Variants in NIPAL1 observed in about 807,000 individuals in gnomAD.
NIPAL1 encodes NIPA like domain containing 1.
In NIPAL1, 35 loss-of-function variants were observed where a neutral mutation model predicts 37.7. That is an observed-to-expected ratio of 0.93 (90% CI 0.71 to 1.23). The LOEUF is 1.23. NIPAL1 is among the 50% of genes most tolerant of loss of function. The pLI, the probability that NIPAL1 is intolerant of heterozygous loss-of-function variation, is 0.00. For missense variants in NIPAL1, 412 were observed against 473.9 expected, an observed-to-expected ratio of 0.87 and a Z score of 1.21; for synonymous variants, 162 against 183.0, an observed-to-expected ratio of 0.89 and a Z score of 0.93.
rs750144674 is a variant in NIPAL1 at position 48,034,963 on chromosome 4, A to C, written c.544A>C (p.Thr182Pro). The change falls in exon 5 of 6, where the codon ACT becomes CCT. Residue 182 changes from threonine to proline, a missense_variant. Thr to Pro is a conservative substitution (Grantham distance 38, BLOSUM62 -1). Coordinates refer to ENST00000295461, the MANE Select transcript of NIPAL1 (RefSeq NM_207330.3). ...CTGCATATTAAGTATATTGGGGTCA[A>C]CTGTGATGGTTATCCATGCCCCACA... ...IGCILSILGS[T>P]VMVIHAPQEE... The C allele has an allele frequency of 1.6e-5, 25 of 1,612,798 alleles. No individual in the cohort carries two copies. The highest frequency in any genetic ancestry group is 2.0e-5 in the Non-Finnish European group (24 of 1,178,870).
At chr4:48,018,298 G>T (rs1235847291) in intron 1 of NIPAL1, among the ~76,000 whole-genome samples, 2 of 152,016 alleles carry the variant, frequency 1.3e-5, no homozygotes, top group East Asian at 3.9e-4. Context: ...AAGTAAGGAA[G>T]GTATATGAAT....
At chr4:48,032,908 G>A (rs1577626836) in intron 3 of NIPAL1, 85 bp from the exon 4 acceptor site, 13 of 846,400 alleles carry the variant, frequency 1.5e-5, no homozygotes, top group South Asian at 1.5e-4. Flanking sequence ...TGGGTTAAAA[G>A]TCCACTGCTT....
Position 48,016,780 on chromosome 4 carries a change from G to T in NIPAL1, c.-60G>T. 1.3e-6 allele frequency: 2 copies of T among 1,497,356 alleles called. No homozygotes were observed. The highest frequency in any genetic ancestry group is 1.8e-6 in the Non-Finnish European group (2 of 1,111,834). The allele number at this position is 1,497,356 out of a possible 1,614,324, so 92.8% of individuals were successfully genotyped here. On this transcript the variant is annotated 5_prime_UTR_variant, in exon 1 of 6. Transcript: ENST00000295461. ...CCGCAGCCCCGCCCGCCGCGGGTGC[G>T]TGTGGAGAGGCCCAGGTGAGGAGCA...
chr4:48,021,909 AAT>A (rs1286813923), intron 1 of NIPAL1, among the ~76,000 whole-genome samples: 1 of 151,196 alleles, frequency 6.6e-6, no homozygotes, highest in Non-Finnish European at 1.5e-5. Context: ...ATATATTTAT[AAT>A]ATATATTTCC....
At chr4:48,021,872 G>A in intron 1 of NIPAL1, among the ~76,000 whole-genome samples, 1 of 139,534 alleles carries the variant, frequency 7.2e-6, no homozygotes, top group East Asian at 2.0e-4. Context: ...TAAACTGGCT[G>A]GTTGATACAT....
In NIPAL1 at chr4:48,035,538, C is replaced by A. The variant is rs1326839564; in HGVS notation, c.623-24C>A. On this transcript the variant is annotated intron_variant, in intron 5 of 5. Transcript: ENST00000295461. ...TAATCCTGTGAGCATTTTCTAAAGT[C>A]AAATTCTTTTCTCCTTCTAACAGGG... 1.9e-6 allele frequency: 3 copies of A among 1,584,724 alleles called. No homozygotes were observed. The South Asian group carries it at 3.5e-5, about 19-fold the overall frequency.
rs2109372954 is a variant in NIPAL1 at position 48,035,042 on chromosome 4, G to A, written c.622+1G>A. 1.9e-6 allele frequency: 3 copies of A among 1,612,910 alleles called. No homozygotes were observed. The highest frequency in any genetic ancestry group is 2.5e-6 in the Non-Finnish European group (3 of 1,179,114). On this transcript the variant is annotated splice_donor_variant, in intron 5 of 5. Coordinates refer to ENST00000295461, the MANE Select transcript of NIPAL1 (RefSeq NM_207330.3). LOFTEE classifies it high-confidence loss of function. ...ATGGAAATGAAATTGAGAGACCCAG[G>A]TCTGTGATTCAACCTAAAGAACCAC...
chr4:48,023,107 G>A (rs960127586), intron 1 of NIPAL1, among the ~76,000 whole-genome samples: 9 of 150,424 alleles, frequency 6.0e-5, no homozygotes, highest in Non-Finnish European at 8.9e-5. Context: ...TGGAGATCTC[G>A]CTATATTGCC....
At position 48,035,772 on chromosome 4, in the gene NIPAL1, T is replaced by A. The variant is rs142277993; in HGVS notation, c.833T>A (p.Val278Asp). The A allele has an allele frequency of 1.2e-6, 2 of 1,614,216 alleles. No homozygotes were observed. Among genetic ancestry groups the A allele is most frequent in the African/African-American group, 1.3e-5 (1 of 75,062 alleles). The change falls in exon 6 of 6, where the codon GTT (valine) becomes GAT (aspartate). Residue 278 changes from valine to aspartate, a missense_variant. Val to Asp is a radical substitution (Grantham distance 152). Coordinates refer to ENST00000295461, the MANE Select transcript of NIPAL1 (RefSeq NM_207330.3). The part of the protein sequence containing the change: ...KPVYKHPLVF[V>D]LLAVLVLSVT... The stretch of plus-strand genomic sequence containing the variant: ...GTTTACAAACATCCGCTGGTCTTTG[T>A]TTTGCTGGCTGTACTTGTGCTTTCA...
intron 3 of NIPAL1, among the ~76,000 whole-genome samples, chr4:48,032,712 T>C (rs1406619752): frequency 6.6e-6 from 1 of 152,236 alleles, no homozygotes; most frequent in Non-Finnish European, 1.5e-5. Flanking sequence ...ATGTCTTCAA[T>C]ATTGAAGTAG....
intron 4 of NIPAL1, 141 bp downstream of exon 4, chr4:48,033,224 A>C (rs937486440): frequency 1.7e-5 from 9 of 514,988 alleles, no homozygotes; most frequent in Non-Finnish European, 2.7e-5. Flanking sequence ...GTCTAGATGA[A>C]CCCAAATTAT....
chr4:48,029,659 T>G (rs985482229), intron 2 of NIPAL1, among the ~76,000 whole-genome samples: 1 of 152,132 alleles, frequency 6.6e-6, no homozygotes, highest in African/African-American at 2.4e-5. Flanking sequence ...CAGATTGAAA[T>G]GACATACCAT....
chr4:48,024,980 A>G, intron 1 of NIPAL1, 88 bp from the exon 2 acceptor site: 1 of 1,183,268 alleles, frequency 8.5e-7, no homozygotes. Flanking sequence ...AGTACCATCC[A>G]CTCAAGGCTC....
At chr4:48,017,068 T>C (rs1715434458) in intron 1 of NIPAL1, among the ~76,000 whole-genome samples, 183 bp downstream of exon 1, 1 of 152,180 alleles carries the variant, frequency 6.6e-6, no homozygotes, top group African/African-American at 2.4e-5. Context: ...TATTTATGGG[T>C]GCCTAGGCGA....
At chr4:48,031,800 G>A (rs929875379) in intron 3 of NIPAL1, among the ~76,000 whole-genome samples, 1 of 152,018 alleles carries the variant, frequency 6.6e-6, no homozygotes, top group Non-Finnish European at 1.5e-5. Context: ...GTGCAGTGGC[G>A]TGATCTCGGT....
At chr4:48,018,931 A>G (rs951564981) in intron 1 of NIPAL1, among the ~76,000 whole-genome samples, 4 of 152,272 alleles carry the variant, frequency 2.6e-5, no homozygotes, top group Non-Finnish European at 5.9e-5. Context: ...GCTGAGACCC[A>G]AATGACAAGG....
chr4:48,017,252 C>T (rs1715443416), intron 1 of NIPAL1, among the ~76,000 whole-genome samples: 2 of 152,300 alleles, frequency 1.3e-5, no homozygotes, highest in South Asian at 2.1e-4. Flanking sequence ...CTCAGGCTCC[C>T]TTCCAGAGTC....
chr4:48,025,005 A>G (rs1295441275), intron 1 of NIPAL1, 63 bp from the exon 2 acceptor site: 36 of 1,430,314 alleles, frequency 2.5e-5, no homozygotes, highest in Non-Finnish European at 3.3e-5. Flanking sequence ...TCCTGCAGAA[A>G]GCCGGTAAGC....
At chr4:48,026,544 A>G (rs376369372) in intron 2 of NIPAL1, among the ~76,000 whole-genome samples, 2 of 152,194 alleles carry the variant, frequency 1.3e-5, no homozygotes, top group East Asian at 1.9e-4. Context: ...CCAAGTATAT[A>G]TAACAATTGA....
Sources: gnomAD v4.1 joint callset for allele counts (sites outside exome capture counted in the v4.1 genomes callset) on GRCh38, gnomAD v4.1.1 for gene constraint, MANE v1.5 for transcripts, NCBI Gene and HGNC (gene_info 2026-07-23, HGNC 2026-07-21) for gene names.